STAG1: variants seen among roughly 807,000 people sequenced by gnomAD.
STAG1 encodes the protein STAG1 cohesin complex component.
Under a neutral mutation model 170.9 loss-of-function variants are expected in STAG1, and 26 were observed. The observed-to-expected ratio is 0.15, with a 90% CI of 0.11 to 0.21. The LOEUF (loss-of-function observed/expected upper bound fraction) is 0.21, where lower values mean the gene tolerates loss of function less well. Among genes scored for constraint, STAG1 ranks in the 10% least tolerant of loss-of-function variants. The pLI is 1.00. For synonymous variants in STAG1, 514 were observed against 497.7 expected, an observed-to-expected ratio of 1.03 and a Z score of -0.44; for missense variants, 964 against 1,509.5, an observed-to-expected ratio of 0.64 and a Z score of 5.99.
At chr3:136,400,211 C>T (rs566010598) in intron 21 of STAG1, among the ~76,000 whole-genome samples, 1 of 151,752 alleles carries the variant, frequency 6.6e-6, no homozygotes, top group Non-Finnish European at 1.5e-5. Context: ...GTCTGAGCCA[C>T]GGTAACCAAT....
Position 136,377,677 on chromosome 3 carries a change from T to A in STAG1, c.2353A>T (p.Thr785Ser), listed in dbSNP as rs764276406. ...TTTCTTACCTGTTCTTTCACTGGAG[T>A]ATTAACATTAGACAGGCACTGCTGG... Reference protein sequence around the residue: ...VCQQCLSNVNTPVKEQAFMLL... With the variant: ...VCQQCLSNVNSPVKEQAFMLL... Residue 785 changes from threonine (T) to serine (S), a missense_variant, in exon 23 of 34, where the codon ACT (threonine) becomes TCT (serine). By Grantham distance (58) the Thr-to-Ser change is moderately conservative (BLOSUM62 1). Around this residue, in one of 11 missense-constraint regions of STAG1, gnomAD observed 232 missense variants for 313.0 expected, o/e 0.74. Coordinates refer to ENST00000383202, the MANE Select transcript of STAG1 (RefSeq NM_005862.3). 6 of 1,613,596 alleles carry A rather than the reference T, an allele frequency of 3.7e-6. No individual in the cohort carries two copies. The highest frequency in any genetic ancestry group is 5.1e-6 in the Non-Finnish European group (6 of 1,179,808).
At chr3:136,377,319 G>C (rs1275989196) in intron 23 of STAG1, among the ~76,000 whole-genome samples, 1 of 137,264 alleles carries the variant, frequency 7.3e-6, no homozygotes, top group Non-Finnish European at 1.5e-5. Flanking sequence ...CCCGGGAGGC[G>C]GAGCTTGCAG....
intron 1 of STAG1, among the ~76,000 whole-genome samples, chr3:136,748,736 T>C (rs1047947010): frequency 1.3e-5 from 2 of 152,156 alleles, no homozygotes; most frequent in African/African-American, 4.8e-5. Flanking sequence ...TTTAAAAAGG[T>C]GTTCTTAGTG....
At chr3:136,396,640 G>T (rs531704156) in intron 22 of STAG1, among the ~76,000 whole-genome samples, 1 of 139,576 alleles carries the variant, frequency 7.2e-6, no homozygotes, top group South Asian at 2.3e-4. Flanking sequence ...CGATTCTTCT[G>T]CCTCAGCCTC....
rs531998977 is a variant in STAG1 at position 136,548,111 on chromosome 3, TTTG to T, written c.395-5919_395-5917del. 5.2e-3 allele frequency among the ~76,000 whole-genome samples: 791 copies of T among 151,702 alleles called. 4 individuals are homozygous for T. Among genetic ancestry groups the T allele is most frequent in the Non-Finnish European group, 7.9e-3 (535 of 67,896 alleles). Reference sequence around the variant, plus strand: ...TATCTTCATACTAGTGCCAAACTGTTTTGTTTTGTTTTTTTTTTTTGAGACAGG... The same window carrying T: ...TATCTTCATACTAGTGCCAAACTGTTTTTTGTTTTTTTTTTTTGAGACAGG... On this transcript the variant is annotated intron_variant, in intron 5 of 33. Transcript: ENST00000383202.
At chr3:136,475,384 T>C (rs945419116) in intron 10 of STAG1, among the ~76,000 whole-genome samples, 6 of 152,070 alleles carry the variant, frequency 3.9e-5, no homozygotes, top group African/African-American at 1.4e-4. Context: ...TGACCTCAGG[T>C]GATCCGCCTG....
At chr3:136,349,088 A>G in intron 29 of STAG1, 70 bp downstream of exon 29, 1 of 1,197,798 alleles carries the variant, frequency 8.3e-7, no homozygotes, top group Non-Finnish European at 1.2e-6. Flanking sequence ...TCTTGCTTCA[A>G]AAGATTATTT....
intron 3 of STAG1, among the ~76,000 whole-genome samples, chr3:136,613,597 G>C (rs1939426957): frequency 6.6e-6 from 1 of 152,152 alleles, no homozygotes; most frequent in Non-Finnish European, 1.5e-5. Context: ...GGTGATTCTT[G>C]TGCCTCAGGC....
intron 9 of STAG1, among the ~76,000 whole-genome samples, chr3:136,478,183 AT>A (rs1375731872): frequency 2.6e-5 from 4 of 152,208 alleles, no homozygotes; most frequent in Non-Finnish European, 5.9e-5. Context: ...CTGTAATAAT[AT>A]ATTTTTTAGG....
At chr3:136,632,568 G>A (rs1437173605) in intron 1 of STAG1, among the ~76,000 whole-genome samples, 2 of 152,026 alleles carry the variant, frequency 1.3e-5, no homozygotes, top group Non-Finnish European at 2.9e-5. Flanking sequence ...CTACACATAA[G>A]CTCTCTGGGG....
chr3:136,396,473 G>A (rs563931987), intron 22 of STAG1, among the ~76,000 whole-genome samples: 74 of 144,658 alleles, frequency 5.1e-4, no homozygotes, highest in African/African-American at 1.8e-3. Flanking sequence ...CGCCCACCTC[G>A]GCCTCCCAAA....
At chr3:136,361,936 T>C (rs1936878195) in intron 26 of STAG1, among the ~76,000 whole-genome samples, 1 of 150,228 alleles carries the variant, frequency 6.7e-6, no homozygotes, top group Non-Finnish European at 1.5e-5. Context: ...ATTACTTATG[T>C]TATATATAAT....
chr3:136,498,233 T>TATATATATATATATATATATATATGC, intron 9 of STAG1, among the ~76,000 whole-genome samples: 1 of 57,492 alleles, frequency 1.7e-5, no homozygotes, highest in Non-Finnish European at 2.8e-5. Context: ...TATATATATA[T>TATATATATATATATATATATATATGC]ACACATACAT....
chr3:136,501,601 G>C (rs1933477277), intron 8 of STAG1, among the ~76,000 whole-genome samples: 1 of 152,120 alleles, frequency 6.6e-6, no homozygotes, highest in African/African-American at 2.4e-5. Flanking sequence ...CCAACACCTT[G>C]ATCTTGGAAT....
chr3:136,680,957 T>G (rs1942313775), intron 1 of STAG1, among the ~76,000 whole-genome samples: 2 of 151,536 alleles, frequency 1.3e-5, no homozygotes, highest in Non-Finnish European at 2.9e-5. Context: ...ATGTAGTATT[T>G]GCATATATCC....
At chr3:136,572,601 C>CAAAAAAAA (rs11379268) in intron 4 of STAG1, among the ~76,000 whole-genome samples, 1 of 66,696 alleles carries the variant, frequency 1.5e-5, no homozygotes, top group East Asian at 4.4e-4. Flanking sequence ...AAGACTGTCT[C>CAAAAAAAA]AAAAAAAAAA....
At chr3:136,679,351 G>A (rs1419354715) in intron 1 of STAG1, among the ~76,000 whole-genome samples, 5 of 152,222 alleles carry the variant, frequency 3.3e-5, no homozygotes, top group South Asian at 2.1e-4. Context: ...AGGCCGAGGC[G>A]GATGGGTTCC....
intron 1 of STAG1, among the ~76,000 whole-genome samples, chr3:136,636,991 G>T (rs1032908926): frequency 1.3e-5 from 2 of 152,054 alleles, no homozygotes; most frequent in Admixed American, 6.6e-5. Context: ...CTGGTATGTG[G>T]GAGAAAACCA....
At chr3:136,598,823 C>T (rs4678437) in intron 4 of STAG1, among the ~76,000 whole-genome samples, 102,700 of 152,018 alleles carry the variant, frequency 0.68, 35,182 homozygotes, top group East Asian at 0.86. Context: ...TCAACATTAA[C>T]TGCATTATAA....
Sources: allele counts gnomAD v4.1 joint callset (sites outside exome capture counted in the v4.1 genomes callset), GRCh38; gene constraint gnomAD v4.1.1; regional missense constraint gnomAD v4.1.1; transcripts MANE v1.5; gene names NCBI Gene and HGNC (gene_info 2026-07-23, HGNC 2026-07-21).